ZNF850: variants seen among roughly 807,000 people sequenced by gnomAD.
ZNF850 encodes zinc finger protein 850.
In ZNF850, 2 loss-of-function variants were observed where a neutral mutation model predicts 11.9. The observed-to-expected ratio is 0.17, with a 90% CI of 0.07 to 0.53. ZNF850 has a LOEUF of 0.53. ZNF850 is among the 20% of genes least tolerant of loss of function. The probability of loss-of-function intolerance (pLI) is 0.94; values close to 1 mark genes in which losing one functional copy is unlikely to be tolerated. For synonymous variants in ZNF850, 381 were observed against 443.0 expected (o/e 0.86, Z 1.76); for missense variants, 1,014 against 1,316.4 (o/e 0.77, Z 3.55).
At chr19:36,752,667 A>T (rs960686237) in intron 4 of ZNF850, among the ~76,000 whole-genome samples, 3 of 152,162 alleles carry the variant, frequency 2.0e-5, no homozygotes, top group Non-Finnish European at 4.4e-5. Flanking sequence ...GAAAGAAAGG[A>T]GTAAAGGGAG....
At chr19:36,769,324 G>C (rs1378480766) in intron 1 of ZNF850, among the ~76,000 whole-genome samples, 1 of 149,654 alleles carries the variant, frequency 6.7e-6, no homozygotes, top group African/African-American at 2.5e-5. Flanking sequence ...ATCAGTGATA[G>C]GTGAGGCAGC....
intron 4 of ZNF850, among the ~76,000 whole-genome samples, chr19:36,753,003 C>T (rs2040462360): frequency 6.6e-6 from 1 of 152,030 alleles, no homozygotes; most frequent in Non-Finnish European, 1.5e-5. Flanking sequence ...GGTGCGGTGG[C>T]ACACGCCTGT....
At chr19:36,768,892 G>T (rs1340072904) in intron 1 of ZNF850, among the ~76,000 whole-genome samples, 6 of 150,822 alleles carry the variant, frequency 4.0e-5, no homozygotes, top group East Asian at 2.0e-4. Context: ...AGCCCTGGAG[G>T]TCAAGGCTGC....
At chr19:36,750,974 G>T (rs538205105) in intron 4 of ZNF850, among the ~76,000 whole-genome samples, 170 bp from the exon 5 acceptor site, 4 of 151,464 alleles carry the variant, frequency 2.6e-5, no homozygotes, top group African/African-American at 7.3e-5. Flanking sequence ...TCTGAGACAG[G>T]AGGATTGCTT....
intron 1 of ZNF850, among the ~76,000 whole-genome samples, chr19:36,772,326 C>T (rs547007867): frequency 6.6e-6 from 1 of 152,234 alleles, no homozygotes; most frequent in East Asian, 1.9e-4. Context: ...GCACACATGC[C>T]TCCGCATATC....
chr19:36,754,756 C>T (rs1343462145), intron 4 of ZNF850, among the ~76,000 whole-genome samples: 1 of 151,988 alleles, frequency 6.6e-6, no homozygotes, highest in Non-Finnish European at 1.5e-5. Flanking sequence ...GGGGTTTCAC[C>T]ATCTTGACCA....
At chr19:36,766,289 A>G (rs1391985457) in intron 1 of ZNF850, among the ~76,000 whole-genome samples, 1 of 149,270 alleles carries the variant, frequency 6.7e-6, no homozygotes, top group Non-Finnish European at 1.5e-5. Context: ...GATATATAAT[A>G]CAATACTTTT....
At chr19:36,751,476 G>T (rs1046817770) in intron 4 of ZNF850, among the ~76,000 whole-genome samples, 3 of 151,822 alleles carry the variant, frequency 2.0e-5, no homozygotes, top group African/African-American at 7.3e-5. Context: ...TGAAGCGGGC[G>T]GACCACAAGG....
At chr19:36,769,261 CAAAA>C (rs74174432) in intron 1 of ZNF850, among the ~76,000 whole-genome samples, 1,079 of 51,538 alleles carry the variant, frequency 0.021, 23 homozygotes, top group African/African-American at 0.088. Flanking sequence ...AAGACTGTCT[CAAAA>C]AAAAAAAAAA....
rs2040406666 is a variant in ZNF850 at position 36,745,527 on chromosome 19, A to C, written c.*2240T>G. ...CCCCGTCTCTACTAAATAATACAAA[A>C]ATTAGTCGGGCATGGTGGAGCATGC... On this transcript the variant is annotated 3_prime_UTR_variant, in exon 5 of 5. Coordinates refer to ENST00000591344, the MANE Select transcript of ZNF850 (RefSeq NM_001193552.2). The C allele has an allele frequency of 6.6e-6, 1 of 151,982 alleles. No individual in the cohort carries two copies. The highest frequency in any genetic ancestry group is 2.4e-5 in the African/African-American group (1 of 41,372). The allele number at this position is 151,982 out of a possible 1,614,324, so 9.4% of individuals were successfully genotyped here. A position where few individuals can be genotyped will look rare whatever the true frequency, so the allele number is the denominator to read the frequency against.
At chr19:36,767,241 T>TATAA (rs926727030) in intron 1 of ZNF850, among the ~76,000 whole-genome samples, 50 of 144,918 alleles carry the variant, frequency 3.5e-4, no homozygotes, top group African/African-American at 1.1e-3. Context: ...AGTATCAAAA[T>TATAA]ATAAATAAAT....
intron 3 of ZNF850, among the ~76,000 whole-genome samples, 168 bp downstream of exon 3, chr19:36,762,137 A>G (rs1472583508): frequency 2.0e-5 from 3 of 152,052 alleles, no homozygotes; most frequent in Non-Finnish European, 4.4e-5. Flanking sequence ...GGACTAGAGG[A>G]AGGTGTAGAG....
chr19:36,748,535 G>T lies in ZNF850; in HGVS notation c.2505C>A (p.His835Gln). 3 of 1,537,474 alleles carry T rather than the reference G, an allele frequency of 2.0e-6. No homozygotes were observed. Among genetic ancestry groups the T allele is most frequent in the Non-Finnish European group, 2.6e-6 (3 of 1,146,992 alleles). ...RSALIQHRPV[H>Q]TGEKRYSCKE... ...TACAACTGTAGCGTTTCTCACCAGTGTGAACTGGCCGATGTTGAATTAGTG... is the reference window on the plus strand; with the variant it reads ...TACAACTGTAGCGTTTCTCACCAGTTTGAACTGGCCGATGTTGAATTAGTG... The change falls in exon 5 of 5, where the codon CAC (histidine) becomes CAA (glutamine). Residue 835 changes from histidine (H) to glutamine (Q), a missense_variant. By Grantham distance (24) the His-to-Gln change is conservative. Coordinates refer to ENST00000591344, the MANE Select transcript of ZNF850 (RefSeq NM_001193552.2).
At chr19:36,750,832 T>C (rs747608350) in intron 4 of ZNF850, 28 bp from the exon 5 acceptor site, 19 of 1,470,196 alleles carry the variant, frequency 1.3e-5, no homozygotes, top group East Asian at 5.0e-5. Flanking sequence ...AGCAAAAACA[T>C]AGCATTTCCT....
chr19:36,761,371 G>A lies in ZNF850; in HGVS notation c.235+272C>T, dbSNP rs538968778. On this transcript the variant is annotated intron_variant, in intron 4 of 4. Coordinates refer to ENST00000591344, the MANE Select transcript of ZNF850 (RefSeq NM_001193552.2). ...AGGAGAGTCGCTTCAACCTGGGGAC[G>A]GAGGTTGCAATGAGCCGAGATCATG... Among the ~76,000 whole-genome samples the A allele has an allele frequency of 7.2e-5, 11 of 152,016 alleles. No individual in the cohort carries two copies. In the East Asian group the frequency reaches 9.7e-4, roughly 13 times the overall value.
chr19:36,766,985 C>T (rs1009773352), intron 1 of ZNF850, among the ~76,000 whole-genome samples: 2 of 152,132 alleles, frequency 1.3e-5, no homozygotes, highest in African/African-American at 4.8e-5. Context: ...GCCTGTAATC[C>T]CAGCACTTTG....
Position 36,748,311 on chromosome 19 carries a change from G to A in ZNF850, c.2729C>T (p.Ser910Leu). The A allele has an allele frequency of 6.3e-7, 1 of 1,583,220 alleles. No homozygotes were observed. Reference sequence around the variant, plus strand: ...GATTCGTTGATGTTGAGTAAGTTTTGAACGACGTCTAAAGGCCTTGCCACA... The same window carrying A: ...GATTCGTTGATGTTGAGTAAGTTTTAAACGACGTCTAAAGGCCTTGCCACA... The part of the protein sequence containing the change: ...KECGKAFRRR[S>L]KLTQHQRIHT... Residue 910 changes from serine (S) to leucine (L), a missense_variant, in exon 5 of 5, where the codon TCA becomes TTA. This residue lies in a region of ZNF850 where 179 missense variants were observed against 294.4 expected (regional missense o/e 0.61). Transcript: ENST00000591344.
intron 1 of ZNF850, among the ~76,000 whole-genome samples, chr19:36,769,369 G>C (rs35265584): frequency 0.24 from 36,621 of 151,382 alleles, 4,526 homozygotes; most frequent in South Asian, 0.37. Flanking sequence ...GGAGGCAGAG[G>C]TAGGAGGATC....
rs538515523 is a variant in ZNF850 at position 36,762,059 on chromosome 19, A to G, written c.139+246T>C. ...AGACTTTGTCTCAAAAAAAAAAAAA[A>G]AAAGAAAAGAAGTGAGACATACTCC... On this transcript the variant is annotated intron_variant, in intron 3 of 4. Transcript: ENST00000591344. Among the ~76,000 whole-genome samples, 6 of 151,644 alleles carry G rather than the reference A, an allele frequency of 4.0e-5. No individual in the cohort carries two copies. In the South Asian group the frequency reaches 1.2e-3, roughly 32 times the overall value.
Sources: gnomAD v4.1 joint callset for allele counts (sites outside exome capture counted in the v4.1 genomes callset) on GRCh38, gnomAD v4.1.1 for gene constraint, gnomAD v4.1.1 regional missense constraint, MANE v1.5 for transcripts, NCBI Gene and HGNC (gene_info 2026-07-23, HGNC 2026-07-21) for gene names.